The following TMEM123 variants were observed in gnomAD, a reference collection of about 807,000 sequenced individuals.
TMEM123 encodes the protein transmembrane protein 123, also known as porimin.
A neutral mutation model predicts 19.7 loss-of-function variants in TMEM123; 16 were observed. The ratio of observed to expected loss-of-function variants is 0.81; its 90% confidence interval spans 0.55 to 1.23. The LOEUF is 1.23. TMEM123 is among the 50% of genes most tolerant of loss of function. TMEM123 has a pLI of 0.00. For missense variants in TMEM123, 313 were observed against 257.8 expected (o/e 1.21, Z -1.47); for synonymous variants, 118 against 99.4 (o/e 1.19, Z -1.12).
intron 2 of TMEM123, among the ~76,000 whole-genome samples, chr11:102,447,444 T>C (rs189400683): frequency 5.3e-5 from 8 of 152,322 alleles, no homozygotes; most frequent in African/African-American, 1.4e-4. Flanking sequence ...AAACCAGAAA[T>C]GACACCTACC....
chr11:102,432,976 G>A (rs899335893), intron 2 of TMEM123, among the ~76,000 whole-genome samples: 1 of 152,002 alleles, frequency 6.6e-6, no homozygotes, highest in Non-Finnish European at 1.5e-5. Flanking sequence ...ACCTCTGACT[G>A]GATTTCAGAG....
intron 2 of TMEM123, among the ~76,000 whole-genome samples, chr11:102,423,123 TGGG>T: frequency 6.6e-6 from 1 of 152,300 alleles, no homozygotes; most frequent in South Asian, 2.1e-4. Context: ...TAACCACAAA[TGGG>T]GGCATGGCTA....
chr11:102,452,636 A>C lies in TMEM123; in HGVS notation c.-13T>G. On this transcript the variant is annotated 5_prime_UTR_variant, in exon 1 of 5. Coordinates refer to ENST00000398136, the MANE Select transcript of TMEM123 (RefSeq NM_052932.3). ...CGCCGAGTCCCATTGTTCCGAGGGC[A>C]GGATGCGGCAGCCTCGTGGGCTCCC... is the stretch of plus-strand genomic sequence containing the variant. The C allele has an allele frequency of 6.7e-7, 1 of 1,502,518 alleles. No homozygotes were observed. The highest frequency in any genetic ancestry group is 1.2e-5 in the South Asian group (1 of 80,072). The allele number at this position is 1,502,518 out of a possible 1,614,324, so 93.1% of individuals were successfully genotyped here. A position where few individuals can be genotyped will look rare whatever the true frequency, so the allele number is the denominator to read the frequency against.
chr11:102,418,859 C>A (rs1438764889), intron 2 of TMEM123, among the ~76,000 whole-genome samples: 1 of 152,154 alleles, frequency 6.6e-6, no homozygotes, highest in African/African-American at 2.4e-5. Flanking sequence ...TCCTTTGCAG[C>A]AACACGGATG....
At chr11:102,448,940 G>A in intron 1 of TMEM123, 72 bp from the exon 2 acceptor site, 2 of 1,484,044 alleles carry the variant, frequency 1.3e-6, no homozygotes, top group Non-Finnish European at 1.9e-6. Context: ...GTGGTTTTCT[G>A]CCTAGCGGGA....
At chr11:102,405,813 A>G (rs1565347622) in intron 2 of TMEM123, among the ~76,000 whole-genome samples, 1 of 152,228 alleles carries the variant, frequency 6.6e-6, no homozygotes, top group Non-Finnish European at 1.5e-5. Flanking sequence ...TGCTAAAGAA[A>G]CAAAAAATTT....
At chr11:102,413,354 G>A (rs1372135435) in intron 2 of TMEM123, among the ~76,000 whole-genome samples, 1 of 152,182 alleles carries the variant, frequency 6.6e-6, no homozygotes, top group Non-Finnish European at 1.5e-5. Flanking sequence ...AGCTAGATAA[G>A]TTTAATTAAA....
At position 102,446,678 on chromosome 11, in the gene TMEM123, G is replaced by C. The variant is rs78939000; in HGVS notation, c.157+2134C>G. On this transcript the variant is annotated intron_variant, in intron 2 of 4. Coordinates refer to ENST00000398136, the MANE Select transcript of TMEM123 (RefSeq NM_052932.3). ...GAGATGTTAGGATGAATAAATCATA[G>C]ATTTCACTCTCAAGGAACTTGGAGA... Among the ~76,000 whole-genome samples, 1,359 of 152,246 alleles carry C rather than the reference G, an allele frequency of 8.9e-3. 21 individuals are homozygous for C. Among genetic ancestry groups the C allele is most frequent in the African/African-American group, 0.031 (1,282 of 41,542 alleles).
At chr11:102,444,915 A>T (rs1857866601) in intron 2 of TMEM123, among the ~76,000 whole-genome samples, 1 of 151,834 alleles carries the variant, frequency 6.6e-6, no homozygotes, top group Non-Finnish European at 1.5e-5. Context: ...AAACTATCCG[A>T]AGGACAGAAA....
chr11:102,440,367 A>C (rs1857812306), intron 2 of TMEM123, among the ~76,000 whole-genome samples: 1 of 152,250 alleles, frequency 6.6e-6, no homozygotes, highest in Non-Finnish European at 1.5e-5. Context: ...GAAACTCCAC[A>C]AGCCAGAAGA....
intron 2 of TMEM123, among the ~76,000 whole-genome samples, chr11:102,403,494 C>G (rs978930373): frequency 6.6e-6 from 1 of 152,178 alleles, no homozygotes; most frequent in African/African-American, 2.4e-5. Flanking sequence ...TATTAGGATA[C>G]AATGTCTAGG....
chr11:102,444,938 AT>A (rs1275715613), intron 2 of TMEM123, among the ~76,000 whole-genome samples: 6 of 149,566 alleles, frequency 4.0e-5, no homozygotes, highest in Admixed American at 1.3e-4. Context: ...CAAACACCGC[AT>A]GTTCTCACTC....
intron 2 of TMEM123, among the ~76,000 whole-genome samples, chr11:102,422,144 C>T (rs148035449): frequency 1.6e-4 from 25 of 152,312 alleles, no homozygotes; most frequent in African/African-American, 5.3e-4. Context: ...TCAATCAATA[C>T]AGTGTACACA....
intron 2 of TMEM123, among the ~76,000 whole-genome samples, chr11:102,425,376 G>A (rs1003191753): frequency 6.6e-6 from 1 of 152,158 alleles, no homozygotes; most frequent in Non-Finnish European, 1.5e-5. Context: ...AACAGGTTAT[G>A]TGCAAATAAT....
rs1221744927 is a variant in TMEM123, at chr11:102,398,394, T to G, written c.*473A>C. The G allele has an allele frequency of 1.0e-5, 4 of 395,304 alleles. No homozygotes were observed. The highest frequency in any genetic ancestry group is 2.1e-5 in the African/African-American group (1 of 48,580). 24.5% of individuals were successfully genotyped at this position (395,304 alleles called of 1,614,324 possible). On this transcript the variant is annotated 3_prime_UTR_variant, in exon 5 of 5. Coordinates refer to ENST00000398136, the MANE Select transcript of TMEM123 (RefSeq NM_052932.3). ...AATTATGCTTCAGATCTAGTTTGAT[T>G]GTATAATTTCTGTGTGGCATTAGTA...
intron 2 of TMEM123, among the ~76,000 whole-genome samples, chr11:102,409,004 CTTGAGTCCAAAAATAT>C (rs1190932239): frequency 6.6e-6 from 1 of 152,100 alleles, no homozygotes; most frequent in Non-Finnish European, 1.5e-5. Flanking sequence ...TTCCTATAAC[CTTGAGTCCAAAAATAT>C]TTATTAAATA....
chr11:102,406,461 C>G (rs765308074), intron 2 of TMEM123, among the ~76,000 whole-genome samples: 9 of 152,154 alleles, frequency 5.9e-5, no homozygotes, highest in Admixed American at 1.3e-4. Context: ...TACCCATCAG[C>G]TAAGTTTAAA....
chr11:102,421,657 T>C (rs564688008), intron 2 of TMEM123, among the ~76,000 whole-genome samples: 4 of 152,274 alleles, frequency 2.6e-5, no homozygotes, highest in African/African-American at 9.6e-5. Flanking sequence ...ATACTGAACA[T>C]GTTTTCTTGC....
intron 2 of TMEM123, among the ~76,000 whole-genome samples, chr11:102,436,000 C>T (rs1397483703): frequency 6.6e-6 from 1 of 151,564 alleles, no homozygotes; most frequent in East Asian, 1.9e-4. Context: ...CTGGACTGTA[C>T]ACTTGAAATG....
Sources: gnomAD v4.1 joint callset for allele counts (sites outside exome capture counted in the v4.1 genomes callset) on GRCh38, gnomAD v4.1.1 for gene constraint, MANE v1.5 for transcripts, NCBI Gene and HGNC (gene_info 2026-07-23, HGNC 2026-07-21) for gene names.